Variants in CHAT observed in about 807,000 individuals in gnomAD.
CHAT encodes acetyl CoA:choline O-acetyltransferase.
In CHAT, 61 loss-of-function variants were observed where a neutral mutation model predicts 76.9. The ratio of observed to expected loss-of-function variants is 0.79; its 90% CI spans 0.65 to 0.98. The LOEUF (loss-of-function observed/expected upper bound fraction) is 0.98. Among genes scored for constraint, CHAT ranks in the 50% least tolerant of loss-of-function variants. The pLI, the probability that CHAT is intolerant of heterozygous loss-of-function variation, is 0.00. For missense variants in CHAT, 946 were observed against 986.9 expected, an observed-to-expected ratio of 0.96 and a Z score of 0.56; for synonymous variants, 407 against 397.4, an observed-to-expected ratio of 1.02 and a Z score of -0.29.
intron 7 of CHAT, among the ~76,000 whole-genome samples, chr10:49,642,787 T>C (rs1001689981): frequency 8.5e-5 from 13 of 152,248 alleles, no homozygotes; most frequent in African/African-American, 2.9e-4. Context: ...CCCTGAGGTA[T>C]GGCCAACAGG....
intron 11 of CHAT, among the ~76,000 whole-genome samples, chr10:49,654,503 G>A (rs1025360530): frequency 2.6e-5 from 4 of 152,256 alleles, no homozygotes; most frequent in African/African-American, 9.6e-5. Context: ...CATGCATAAG[G>A]ACAGAGGAGT....
intron 7 of CHAT, among the ~76,000 whole-genome samples, chr10:49,640,786 TTA>T (rs1422033303): frequency 1.3e-5 from 2 of 152,218 alleles, no homozygotes; most frequent in Non-Finnish European, 2.9e-5. Flanking sequence ...CCTAAAAGTT[TTA>T]TGTCTTGCTA....
chr10:49,626,376 G>GTTTTGT (rs1330983089), intron 6 of CHAT, among the ~76,000 whole-genome samples: 3 of 152,182 alleles, frequency 2.0e-5, no homozygotes, highest in East Asian at 1.9e-4. Context: ...CTGACAAACA[G>GTTTTGT]TTTTGTTTTT....
At chr10:49,629,317 T>C (rs1365213975) in intron 7 of CHAT, among the ~76,000 whole-genome samples, 1 of 152,174 alleles carries the variant, frequency 6.6e-6, no homozygotes, top group Non-Finnish European at 1.5e-5. Flanking sequence ...AATTAATTAT[T>C]CTTTCATCCA....
chr10:49,663,367 A>G (rs1187269375), intron 14 of CHAT, among the ~76,000 whole-genome samples: 1 of 152,168 alleles, frequency 6.6e-6, no homozygotes, highest in East Asian at 1.9e-4. Context: ...CTACCTTTCA[A>G]TCTATTGCCG....
At chr10:49,664,395 C>T (rs1840287670) in intron 14 of CHAT, among the ~76,000 whole-genome samples, 1 of 152,120 alleles carries the variant, frequency 6.6e-6, no homozygotes, top group South Asian at 2.1e-4. Flanking sequence ...ATAAATTCCT[C>T]CCTCCGGAAA....
rs1838747731 is a variant in CHAT at position 49,622,065 on chromosome 10, A to T, written c.699-32A>T. 3 of 917,510 alleles carry T rather than the reference A, an allele frequency of 3.3e-6. No homozygotes were observed. The East Asian group carries it at 2.1e-4, about 63-fold the overall frequency. 56.8% of individuals were successfully genotyped at this position (917,510 alleles called of 1,614,324 possible). On this transcript the variant is annotated intron_variant, in intron 4 of 14. Transcript: ENST00000337653. ...GGGAGGGAGGAAGCCAGGCCCTGGG[A>T]GGAAGGGCTCAGGCCTCCCTTCTCC...
Position 49,665,334 on chromosome 10 carries a change from C to A in CHAT, c.*288C>A, listed in dbSNP as rs999576473. Among the ~76,000 whole-genome samples the A allele has an allele frequency of 2.6e-5, 4 of 152,172 alleles. No homozygotes were observed. On this transcript the variant is annotated 3_prime_UTR_variant, in exon 15 of 15. Coordinates refer to ENST00000337653, the MANE Select transcript of CHAT (RefSeq NM_020549.5). ...GCACTGGGGAACCACACTAAGGACT[C>A]CTTCTGTGGTCCTTGGAAGCTTAGT... is the stretch of plus-strand genomic sequence containing the variant.
chr10:49,652,106 T>G, intron 11 of CHAT, 100 bp downstream of exon 11: 1 of 1,525,080 alleles, frequency 6.6e-7, no homozygotes, highest in South Asian at 1.1e-5. Context: ...GACAGCCTTC[T>G]GTGGGCCTGG....
At chr10:49,639,001 TGAG>T (rs1839386334) in intron 7 of CHAT, among the ~76,000 whole-genome samples, 2 of 152,092 alleles carry the variant, frequency 1.3e-5, no homozygotes, top group South Asian at 4.1e-4. Context: ...TTTGGGAGGC[TGAG>T]GAGGGTGGAT....
At chr10:49,612,534 G>T, upstream of CHAT, 1 of 589,400 alleles carries the variant, frequency 1.7e-6, no homozygotes, top group South Asian at 3.0e-5. Flanking sequence ...ATGGGGCTTG[G>T]AGCACCGAGG....
In CHAT at chr10:49,666,187, G is replaced by C. The variant is rs1258632932; in HGVS notation, c.*1141G>C. ...TCAGGGACTTAGGGGACAGCTGGCA[G>C]GGAGCAGGGCTGGGAGGAGGGCACA... On this transcript the variant is annotated 3_prime_UTR_variant, in exon 15 of 15. Transcript: ENST00000337653. Among the ~76,000 whole-genome samples the C allele has an allele frequency of 6.6e-6, 1 of 152,132 alleles. No homozygotes were observed. The highest frequency in any genetic ancestry group is 1.5e-5 in the Non-Finnish European group (1 of 68,038).
At chr10:49,641,699 G>T (rs2132782039) in intron 7 of CHAT, among the ~76,000 whole-genome samples, 1 of 152,250 alleles carries the variant, frequency 6.6e-6, no homozygotes, top group African/African-American at 2.4e-5. Flanking sequence ...AGGTTAAGAA[G>T]GTCTAAGCCC....
intron 13 of CHAT, 92 bp downstream of exon 13, chr10:49,655,540 G>T: frequency 1.7e-6 from 2 of 1,202,554 alleles, no homozygotes; most frequent in South Asian, 2.4e-5. Flanking sequence ...CCTGTGTGAG[G>T]GCCCAGCCAC....
intron 10 of CHAT, 187 bp from the exon 11 acceptor site, chr10:49,651,697 G>A: frequency 3.3e-6 from 2 of 605,048 alleles, no homozygotes; most frequent in East Asian, 3.0e-5. Flanking sequence ...GGCCTGGTTT[G>A]TCTTCTGACA....
At chr10:49,626,701 A>G (rs1315334701) in intron 6 of CHAT, among the ~76,000 whole-genome samples, 6 of 152,230 alleles carry the variant, frequency 3.9e-5, no homozygotes, top group Non-Finnish European at 1.5e-5. Flanking sequence ...CCCCTGCACA[A>G]GACCAGGCCA....
At position 49,646,781 on chromosome 10, in the gene CHAT, G is replaced by T. The variant is rs550563757; in HGVS notation, c.1281+107G>T. ...CCCAGGCCCGCACGTGCTTGTGTCT[G>T]GCAGGCGCACTCACTGGTTTCTGCT... is the stretch of plus-strand genomic sequence containing the variant. On this transcript the variant is annotated intron_variant, in intron 8 of 14. Coordinates refer to ENST00000337653, the MANE Select transcript of CHAT (RefSeq NM_020549.5). 3.9e-6 allele frequency: 5 copies of T among 1,296,832 alleles called. No homozygotes were observed. In the Admixed American group the frequency reaches 9.8e-5, roughly 25 times the overall value. The allele number at this position is 1,296,832 out of a possible 1,614,324, so 80.3% of individuals were successfully genotyped here.
chr10:49,610,775 C>A, upstream of CHAT: 1 of 1,561,478 alleles, frequency 6.4e-7, no homozygotes, highest in South Asian at 1.2e-5. Flanking sequence ...CAGGCCCGGG[C>A]GGCGGCCACC....
At chr10:49,645,172 C>T (rs1173300796) in intron 7 of CHAT, among the ~76,000 whole-genome samples, 2 of 152,192 alleles carry the variant, frequency 1.3e-5, no homozygotes, top group Non-Finnish European at 2.9e-5. Context: ...AGGGGTTCTA[C>T]AAGCAAGGAA....
Sources: gnomAD v4.1 joint callset for allele counts (sites outside exome capture counted in the v4.1 genomes callset) on GRCh38, gnomAD v4.1.1 for gene constraint, MANE v1.5 for transcripts, NCBI Gene and HGNC (gene_info 2026-07-23, HGNC 2026-07-21) for gene names.